Variants in ZNF704 observed in about 807,000 individuals in gnomAD.
The protein encoded by ZNF704 is zinc finger protein 704, also known as glucocorticoid induced gene 1.
In ZNF704, 10 loss-of-function variants were observed where a neutral mutation model predicts 44.7. The observed-to-expected ratio is 0.22, with a 90% CI of 0.14 to 0.38. ZNF704 has a LOEUF of 0.38. Ranked by LOEUF, ZNF704 falls within the 10% of genes least tolerant of loss-of-function variation. The probability of loss-of-function intolerance (pLI) is 1.00; values close to 1 mark genes in which losing one functional copy is unlikely to be tolerated. For synonymous variants in ZNF704, 211 were observed against 207.6 expected, an observed-to-expected ratio of 1.02 and a Z score of -0.14; for missense variants, 390 against 545.5, an observed-to-expected ratio of 0.71 and a Z score of 2.84.
intron 1 of ZNF704, among the ~76,000 whole-genome samples, chr8:80,859,782 G>T (rs11985117): frequency 6.6e-6 from 1 of 152,102 alleles, no homozygotes; most frequent in African/African-American, 2.4e-5. Flanking sequence ...CCTTCTACTG[G>T]ATGATTGGAA....
chr8:80,830,104 C>A (rs1808444115), intron 1 of ZNF704, among the ~76,000 whole-genome samples: 1 of 151,918 alleles, frequency 6.6e-6, no homozygotes, highest in East Asian at 1.9e-4. Flanking sequence ...TGAGAGCTCA[C>A]AGGAGAGGAG....
chr8:80,712,775 C>A (rs1306047886), intron 2 of ZNF704, among the ~76,000 whole-genome samples: 2 of 151,546 alleles, frequency 1.3e-5, no homozygotes, highest in East Asian at 1.9e-4. Context: ...CCAGCCTGGG[C>A]AACAAGAGTG....
chr8:80,856,652 G>T (rs1438841360), intron 1 of ZNF704, among the ~76,000 whole-genome samples: 1 of 151,826 alleles, frequency 6.6e-6, no homozygotes, highest in Non-Finnish European at 1.5e-5. Context: ...AACTTCTTTG[G>T]TGCCTTTGTC....
intron 2 of ZNF704, among the ~76,000 whole-genome samples, chr8:80,816,838 C>T (rs1808184205): frequency 6.6e-6 from 1 of 152,060 alleles, no homozygotes; most frequent in Non-Finnish European, 1.5e-5. Flanking sequence ...CTTTGGGTAC[C>T]CAACTCTATA....
chr8:80,865,189 C>T (rs1006128338), intron 1 of ZNF704, among the ~76,000 whole-genome samples: 13 of 152,106 alleles, frequency 8.5e-5, no homozygotes, highest in African/African-American at 2.9e-4. Context: ...CTTTCTGAAT[C>T]CCAAAACAAA....
intron 2 of ZNF704, among the ~76,000 whole-genome samples, chr8:80,774,317 G>C (rs967601452): frequency 6.6e-6 from 1 of 152,050 alleles, no homozygotes; most frequent in African/African-American, 2.4e-5. Flanking sequence ...CAATCCTCCT[G>C]TCTTGCCCTC....
chr8:80,788,622 TG>T (rs1330453606), intron 2 of ZNF704, among the ~76,000 whole-genome samples: 1 of 152,200 alleles, frequency 6.6e-6, no homozygotes, highest in African/African-American at 2.4e-5. Context: ...TGTTGGAAAC[TG>T]TAGAAAGGAT....
intron 2 of ZNF704, among the ~76,000 whole-genome samples, chr8:80,737,080 C>A (rs539430355): frequency 6.6e-6 from 1 of 152,240 alleles, no homozygotes; most frequent in South Asian, 2.1e-4. Flanking sequence ...ATAGTAGGAA[C>A]AAAAATTCAT....
chr8:80,710,986 G>C (rs555736785), intron 2 of ZNF704, among the ~76,000 whole-genome samples: 1 of 152,122 alleles, frequency 6.6e-6, no homozygotes, highest in African/African-American at 2.4e-5. Flanking sequence ...CTGCAGTTTC[G>C]CATAGGGCTA....
chr8:80,645,259 G>T, intron 7 of ZNF704: 1 of 1,282,756 alleles, frequency 7.8e-7, no homozygotes, highest in Non-Finnish European at 1.1e-6. Context: ...ATTGCCATAT[G>T]TAGGAGGATA....
chr8:80,845,623 G>C (rs944383467), intron 1 of ZNF704, among the ~76,000 whole-genome samples: 1 of 152,188 alleles, frequency 6.6e-6, no homozygotes, highest in African/African-American at 2.4e-5. Context: ...ACAGTAAGAA[G>C]CTATCCGCAG....
At chr8:80,825,580 T>C (rs1310389065) in intron 1 of ZNF704, among the ~76,000 whole-genome samples, 2 of 152,148 alleles carry the variant, frequency 1.3e-5, no homozygotes, top group South Asian at 2.1e-4. Context: ...GCAGACCTAA[T>C]AGACATCTAC....
chr8:80,658,136 C>A (rs1258888665), intron 7 of ZNF704, among the ~76,000 whole-genome samples: 1 of 152,092 alleles, frequency 6.6e-6, no homozygotes, highest in East Asian at 1.9e-4. Context: ...GTTTGCTTGG[C>A]CACAGAGGTA....
chr8:80,727,882 T>A (rs1225913341), intron 2 of ZNF704, among the ~76,000 whole-genome samples: 1 of 152,130 alleles, frequency 6.6e-6, no homozygotes, highest in Non-Finnish European at 1.5e-5. Flanking sequence ...ATTGCCTGCA[T>A]TAGTATCAGC....
At chr8:80,793,354 T>C (rs1228751308) in intron 2 of ZNF704, among the ~76,000 whole-genome samples, 1 of 152,140 alleles carries the variant, frequency 6.6e-6, no homozygotes, top group Non-Finnish European at 1.5e-5. Context: ...ATGTTTAGTA[T>C]ATGATGGGCT....
intron 1 of ZNF704, among the ~76,000 whole-genome samples, chr8:80,828,797 A>G (rs1290029076): frequency 6.6e-6 from 1 of 152,226 alleles, no homozygotes; most frequent in Non-Finnish European, 1.5e-5. Flanking sequence ...AGGAAAACTG[A>G]AATACATGCA....
At chr8:80,657,613 C>T (rs1053799192) in intron 7 of ZNF704, among the ~76,000 whole-genome samples, 26 of 150,706 alleles carry the variant, frequency 1.7e-4, no homozygotes, top group African/African-American at 5.6e-4. Flanking sequence ...AAGATGAGCC[C>T]AGGGAGGTTG....
At chr8:80,869,629 A>T (rs1809215794) in intron 1 of ZNF704, among the ~76,000 whole-genome samples, 1 of 152,012 alleles carries the variant, frequency 6.6e-6, no homozygotes, top group Non-Finnish European at 1.5e-5. Flanking sequence ...TCTTTTCTCT[A>T]CATCTTTGGT....
At chr8:80,664,268 A>T (rs1818150061) in intron 6 of ZNF704, among the ~76,000 whole-genome samples, 1 of 144,234 alleles carries the variant, frequency 6.9e-6, no homozygotes, top group Admixed American at 6.8e-5. Context: ...AGATAACATT[A>T]GGGATTTTTT....
Sources: gnomAD v4.1 joint callset for allele counts (sites outside exome capture counted in the v4.1 genomes callset) on GRCh38, gnomAD v4.1.1 for gene constraint, MANE v1.5 for transcripts, NCBI Gene and HGNC (gene_info 2026-07-23, HGNC 2026-07-21) for gene names.